CEP57: variants seen among roughly 807,000 people sequenced by gnomAD.
CEP57 encodes the protein centrosomal protein of 57 kDa.
A neutral mutation model predicts 68.0 loss-of-function variants in CEP57; 40 were observed. That is an observed-to-expected ratio of 0.59 (90% CI 0.46 to 0.77). The LOEUF (loss-of-function observed/expected upper bound fraction) is 0.77, where lower values mean the gene tolerates loss of function less well. Among genes scored for constraint, CEP57 ranks in the 30% least tolerant of loss-of-function variants. The probability of loss-of-function intolerance (pLI) is 0.00; values close to 1 mark genes in which losing one functional copy is unlikely to be tolerated. For synonymous variants in CEP57, 219 were observed against 198.7 expected, an observed-to-expected ratio of 1.10 and a Z score of -0.86; for missense variants, 606 against 580.7, an observed-to-expected ratio of 1.04 and a Z score of -0.45.
rs1591036740 is a variant in CEP57 at position 95,790,792 on chromosome 11, C to G, written c.45+49C>G. 6 of 1,605,680 alleles carry G rather than the reference C, an allele frequency of 3.7e-6. No homozygotes were observed. The East Asian group carries it at 1.3e-4, about 36-fold the overall frequency. On this transcript the variant is annotated intron_variant, in intron 1 of 10. Transcript: ENST00000325542. ...GGCCCCACGTCGGCCCTAAGCGCCTCTTTGAGTTTCCTCACGTTTCAGGGC... is the reference window on the plus strand; with the variant it reads ...GGCCCCACGTCGGCCCTAAGCGCCTGTTTGAGTTTCCTCACGTTTCAGGGC...
chr11:95,812,535 C>T (rs915955176), intron 2 of CEP57, among the ~76,000 whole-genome samples: 16 of 151,990 alleles, frequency 1.1e-4, no homozygotes, highest in African/African-American at 3.6e-4. Flanking sequence ...CCACCCCACC[C>T]GGGTTCAAGC....
chr11:95,818,826 G>GA lies in CEP57; in HGVS notation c.628dup (p.Met210AsnfsTer10). The GA allele has an allele frequency of 6.2e-7, 1 of 1,613,116 alleles. No individual in the cohort carries two copies. Among genetic ancestry groups the GA allele is most frequent in the Non-Finnish European group, 8.5e-7 (1 of 1,179,376 alleles). ...ATCCCTTTTGACATTTTTATCACTA[G>GA]AAAAAAATGCAAGAGTTGGAAGCAA... is the stretch of plus-strand genomic sequence containing the variant. On this transcript the variant is annotated frameshift_variant and splice_region_variant. Coordinates refer to ENST00000325542, the MANE Select transcript of CEP57 (RefSeq NM_014679.5). LOFTEE classifies it high-confidence loss of function.
intron 1 of CEP57, among the ~76,000 whole-genome samples, chr11:95,798,123 T>C (rs546553712): frequency 1.3e-5 from 2 of 152,318 alleles, no homozygotes; most frequent in African/African-American, 2.4e-5. Context: ...TTAGCACTTA[T>C]TTATTTGAGT....
chr11:95,811,497 T>G (rs1181006718), intron 2 of CEP57, among the ~76,000 whole-genome samples: 1 of 150,080 alleles, frequency 6.7e-6, no homozygotes, highest in Non-Finnish European at 1.5e-5. Flanking sequence ...AGTTAATGGG[T>G]GCAGCACAGC....
chr11:95,815,913 G>A (rs923157993), intron 4 of CEP57, among the ~76,000 whole-genome samples: 3 of 152,032 alleles, frequency 2.0e-5, no homozygotes, highest in African/African-American at 7.3e-5. Flanking sequence ...TATGTACCCT[G>A]GCTCCAATAT....
chr11:95,816,917 A>G (rs1175405452), intron 4 of CEP57, among the ~76,000 whole-genome samples: 3 of 151,824 alleles, frequency 2.0e-5, no homozygotes, highest in African/African-American at 4.8e-5. Flanking sequence ...AGGCTCAGGC[A>G]GGAGAATTAC....
chr11:95,814,645 CCACCA>C (rs1322436638), intron 4 of CEP57, among the ~76,000 whole-genome samples: 1 of 152,228 alleles, frequency 6.6e-6, no homozygotes, highest in Non-Finnish European at 1.5e-5. Context: ...CAGGCATGAG[CCACCA>C]CGCCCGGCCA....
At chr11:95,815,065 G>C (rs1254162604) in intron 4 of CEP57, 1 of 152,304 alleles carries the variant, frequency 6.6e-6, no homozygotes, top group East Asian at 1.9e-4. Flanking sequence ...TGTATGTTTA[G>C]TACAGATTCA....
In CEP57 at chr11:95,790,623, G is replaced by A; in HGVS notation, c.-76G>A. The A allele has an allele frequency of 6.4e-7, 1 of 1,556,226 alleles. No individual in the cohort carries two copies. The highest frequency in any genetic ancestry group is 8.8e-7 in the Non-Finnish European group (1 of 1,140,784). The stretch of plus-strand genomic sequence containing the variant: ...AGCCTAGGGTCCCCGCTGGTGGGCG[G>A]CTCCCGAGTCTTGGAGAAGAGCACG... On this transcript the variant is annotated 5_prime_UTR_variant, in exon 1 of 11. Transcript: ENST00000325542.
At chr11:95,821,151 T>C (rs1362905054) in intron 6 of CEP57, among the ~76,000 whole-genome samples, 1 of 152,170 alleles carries the variant, frequency 6.6e-6, no homozygotes, top group African/African-American at 2.4e-5. Context: ...GCAGACAGTT[T>C]TGGTACATAT....
At chr11:95,806,596 T>C (rs1254751302) in intron 2 of CEP57, among the ~76,000 whole-genome samples, 1 of 152,048 alleles carries the variant, frequency 6.6e-6, no homozygotes, top group African/African-American at 2.4e-5. Flanking sequence ...GCTCTGAGGG[T>C]CCCATGCCCA....
intron 2 of CEP57, among the ~76,000 whole-genome samples, chr11:95,806,963 C>G (rs1034873119): frequency 2.0e-5 from 3 of 152,212 alleles, no homozygotes; most frequent in Non-Finnish European, 2.9e-5. Flanking sequence ...CTGGGAGATA[C>G]CTCCCAGTAG....
chr11:95,798,223 T>C (rs1861429290), intron 1 of CEP57, among the ~76,000 whole-genome samples: 1 of 152,218 alleles, frequency 6.6e-6, no homozygotes, highest in Non-Finnish European at 1.5e-5. Context: ...TTTATATAAA[T>C]AGAAAATGTT....
chr11:95,827,727 A>T, intron 8 of CEP57, 59 bp from the exon 9 acceptor site: 1 of 1,605,492 alleles, frequency 6.2e-7, no homozygotes, highest in Non-Finnish European at 8.5e-7. Flanking sequence ...CTTAGGGAAT[A>T]GAAAGTGGTG....
chr11:95,829,149 G>C (rs1208703649), intron 9 of CEP57, 38 bp from the exon 10 acceptor site: 1 of 1,610,948 alleles, frequency 6.2e-7, no homozygotes, highest in Non-Finnish European at 8.5e-7. Flanking sequence ...ATGAAACACA[G>C]AAAACTTAAC....
At position 95,832,172 on chromosome 11, in the gene CEP57, G is replaced by A. The variant is rs1246447343; in HGVS notation, c.*916G>A. The A allele has an allele frequency of 6.6e-6, 1 of 152,020 alleles. No individual in the cohort carries two copies. The highest frequency in any genetic ancestry group is 1.5e-5 in the Non-Finnish European group (1 of 67,978). The allele number at this position is 152,020 out of a possible 1,614,324, so 9.4% of individuals were successfully genotyped here. ...TTGATATAAATCATAATTTCAACTA[G>A]ATCAAGACATGTTAACCTTTTATAA... On this transcript the variant is annotated 3_prime_UTR_variant, in exon 11 of 11. Transcript: ENST00000325542.
At chr11:95,794,304 G>A (rs2135240292) in intron 1 of CEP57, 1 of 455,892 alleles carries the variant, frequency 2.2e-6, no homozygotes, top group Non-Finnish European at 4.4e-6. Flanking sequence ...TTTCAAGAAA[G>A]AAGAGAGAGA....
intron 2 of CEP57, among the ~76,000 whole-genome samples, chr11:95,811,667 C>T (rs1172173042): frequency 6.6e-6 from 1 of 150,536 alleles, no homozygotes; most frequent in South Asian, 2.1e-4. Flanking sequence ...GAATTAAAGG[C>T]AGATAATAAA....
chr11:95,832,683 C>T lies in CEP57; in HGVS notation c.*1427C>T, dbSNP rs542051999. 1.3e-5 allele frequency: 2 copies of T among 152,014 alleles called. No homozygotes were observed. Among genetic ancestry groups the T allele is most frequent in the African/African-American group, 2.4e-5 (1 of 41,504 alleles). 9.4% of individuals were successfully genotyped at this position (152,014 alleles called of 1,614,324 possible). ...ATTTCAGGTCATTAAATTGTATAAC[C>T]ATCATTTGAATTGTAGTGGCTCTGA... On this transcript the variant is annotated 3_prime_UTR_variant, in exon 11 of 11. Coordinates refer to ENST00000325542, the MANE Select transcript of CEP57 (RefSeq NM_014679.5).
Sources: gnomAD v4.1 joint callset for allele counts (sites outside exome capture counted in the v4.1 genomes callset) on GRCh38, gnomAD v4.1.1 for gene constraint, MANE v1.5 for transcripts, NCBI Gene and HGNC (gene_info 2026-07-23, HGNC 2026-07-21) for gene names.